MTFR1: variants seen among roughly 807,000 people sequenced by gnomAD.
MTFR1 encodes mitochondrial fission regulator 1, also known as chondrocyte protein with a poly-proline region.
A neutral mutation model predicts 38.8 loss-of-function variants in MTFR1; 28 were observed. The observed-to-expected ratio is 0.72, with a 90% CI of 0.53 to 0.99. The LOEUF (loss-of-function observed/expected upper bound fraction) is 0.99. Ranked by LOEUF, MTFR1 falls within the 50% of genes least tolerant of loss-of-function variation. The pLI, the probability that MTFR1 is intolerant of heterozygous loss-of-function variation, is 0.00. For synonymous variants in MTFR1, 145 were observed against 137.0 expected, an observed-to-expected ratio of 1.06 and a Z score of -0.41; for missense variants, 358 against 395.5, an observed-to-expected ratio of 0.91 and a Z score of 0.81.
At chr8:65,758,665 T>C (rs546562060) in intron 3 of MTFR1, among the ~76,000 whole-genome samples, 3 of 152,234 alleles carry the variant, frequency 2.0e-5, no homozygotes, top group Non-Finnish European at 2.9e-5. Flanking sequence ...TTTCAAACTA[T>C]ACTCTGAAGA....
intron 3 of MTFR1, among the ~76,000 whole-genome samples, chr8:65,687,408 C>T (rs1232569154): frequency 5.3e-5 from 8 of 149,982 alleles, no homozygotes; most frequent in Non-Finnish European, 1.0e-4. Context: ...TGCAGTGGCA[C>T]GATCTTGGCT....
intron 3 of MTFR1, among the ~76,000 whole-genome samples, chr8:65,744,031 C>T (rs907487864): frequency 2.0e-5 from 3 of 152,146 alleles, no homozygotes; most frequent in Non-Finnish European, 4.4e-5. Context: ...TGGGGTTTTG[C>T]CATGTTGGCC....
intron 2 of MTFR1, among the ~76,000 whole-genome samples, chr8:65,672,941 A>G (rs1480570207): frequency 6.6e-6 from 1 of 152,198 alleles, no homozygotes; most frequent in Non-Finnish European, 1.5e-5. Flanking sequence ...TGTCAGAAAT[A>G]AGGCCTTCTT....
intron 3 of MTFR1, among the ~76,000 whole-genome samples, chr8:65,750,077 ATC>A (rs1807863626): frequency 6.6e-6 from 1 of 152,214 alleles, no homozygotes. Context: ...TAGCACCACC[ATC>A]TCTGTATTTG....
chr8:65,650,123 G>A (rs996308105), intron 1 of MTFR1, among the ~76,000 whole-genome samples: 4 of 151,716 alleles, frequency 2.6e-5, no homozygotes, highest in African/African-American at 9.7e-5. Context: ...ACAGCTGTGA[G>A]CCACCATGCC....
intron 3 of MTFR1, among the ~76,000 whole-genome samples, chr8:65,769,016 G>T (rs1273603656): frequency 6.6e-6 from 1 of 152,078 alleles, no homozygotes; most frequent in Non-Finnish European, 1.5e-5. Flanking sequence ...GGAAGGCTGA[G>T]GTAGGCAGAT....
At chr8:65,648,979 G>C (rs1198591265) in intron 1 of MTFR1, among the ~76,000 whole-genome samples, 1 of 151,784 alleles carries the variant, frequency 6.6e-6, no homozygotes, top group Admixed American at 6.6e-5. Flanking sequence ...CGGCCTTCTG[G>C]ATTCATAGGT....
intron 2 of MTFR1, among the ~76,000 whole-genome samples, chr8:65,715,685 T>C (rs1169563213): frequency 6.9e-6 from 1 of 144,496 alleles, no homozygotes; most frequent in Non-Finnish European, 1.5e-5. Flanking sequence ...GCCACAAAAA[T>C]GTTCTTAAAA....
Position 65,709,565 on chromosome 8 carries a change from A to T in MTFR1, c.*521A>T, listed in dbSNP as rs543719110. The T allele has an allele frequency of 6.5e-6, 1 of 153,008 alleles. No homozygotes were observed. Among genetic ancestry groups the T allele is most frequent in the African/African-American group, 2.4e-5 (1 of 41,582 alleles). The allele number at this position is 153,008 out of a possible 1,614,324, so 9.5% of individuals were successfully genotyped here. ...TGGCATGAAATATTTGAGATTGGAA[A>T]CTTCTTGCCTTGAACAGAACTTATA... On this transcript the variant is annotated 3_prime_UTR_variant, in exon 8 of 8. Coordinates refer to ENST00000262146, the MANE Select transcript of MTFR1 (RefSeq NM_014637.4).
intron 2 of MTFR1, among the ~76,000 whole-genome samples, chr8:65,715,800 A>G (rs1273724217): frequency 1.3e-5 from 2 of 148,654 alleles, no homozygotes; most frequent in African/African-American, 4.9e-5. Context: ...CCTGGCTAAC[A>G]TGGTGAAACC....
At chr8:65,736,367 G>T (rs1021952188) in intron 3 of MTFR1, among the ~76,000 whole-genome samples, 2 of 152,132 alleles carry the variant, frequency 1.3e-5, no homozygotes, top group Non-Finnish European at 2.9e-5. Flanking sequence ...AGTTGACCAT[G>T]GGTAACTGAA....
chr8:65,678,407 A>C (rs977586637), intron 2 of MTFR1, among the ~76,000 whole-genome samples: 2 of 152,188 alleles, frequency 1.3e-5, no homozygotes, highest in African/African-American at 4.8e-5. Context: ...TTCATTCTAA[A>C]TATTTCAGTC....
At chr8:65,708,148 A>C in intron 7 of MTFR1, 137 bp downstream of exon 7, 3 of 1,561,012 alleles carry the variant, frequency 1.9e-6, no homozygotes, top group Non-Finnish European at 2.6e-6. Context: ...TCCCTGCCTT[A>C]CAAGTAGATC....
chr8:65,735,920 C>T (rs914974590), intron 3 of MTFR1, among the ~76,000 whole-genome samples: 9 of 152,112 alleles, frequency 5.9e-5, no homozygotes, highest in African/African-American at 1.7e-4. Flanking sequence ...CCACCATGCC[C>T]GGCCGTATGT....
chr8:65,650,504 A>G (rs866251865), intron 1 of MTFR1, among the ~76,000 whole-genome samples: 37 of 152,238 alleles, frequency 2.4e-4, no homozygotes, highest in Middle Eastern at 6.8e-3. Context: ...GCATGAGTTA[A>G]GTTGTTTTAA....
intron 1 of MTFR1, among the ~76,000 whole-genome samples, chr8:65,667,007 G>T (rs1378961361): frequency 6.6e-6 from 1 of 152,142 alleles, no homozygotes; most frequent in African/African-American, 2.4e-5. Context: ...AGACGCGGTG[G>T]CTCACACCTT....
rs59888765 is a variant in MTFR1, at chr8:65,706,485, C to T, written c.518-525C>T. Among the ~76,000 whole-genome samples the T allele has an allele frequency of 3.1e-3, 468 of 152,258 alleles. 2 individuals are homozygous for T. The highest frequency in any genetic ancestry group is 0.011 in the African/African-American group (455 of 41,544). On this transcript the variant is annotated intron_variant, in intron 5 of 7. Transcript: ENST00000262146. The stretch of plus-strand genomic sequence containing the variant: ...TGTTGCTCAGGCTGGTCTTGAACTC[C>T]TGAGCTCAAACTACCTGCCTTGGCC...
intron 3 of MTFR1, among the ~76,000 whole-genome samples, chr8:65,740,562 G>A (rs149120532): frequency 0.03 from 4,596 of 152,092 alleles, 229 homozygotes; most frequent in African/African-American, 0.1. Context: ...CACCAAGCCC[G>A]GCTAATTTTT....
chr8:65,663,121 G>A (rs1052755774), intron 1 of MTFR1, among the ~76,000 whole-genome samples: 7 of 152,172 alleles, frequency 4.6e-5, no homozygotes, highest in African/African-American at 1.4e-4. Flanking sequence ...TTGAGATATC[G>A]GATGGTTGCC....
Sources: gnomAD v4.1 joint callset for allele counts (sites outside exome capture counted in the v4.1 genomes callset) on GRCh38, gnomAD v4.1.1 for gene constraint, MANE v1.5 for transcripts, NCBI Gene and HGNC (gene_info 2026-07-23, HGNC 2026-07-21) for gene names.